ATP10A: variants seen among roughly 807,000 people sequenced by gnomAD.
ATP10A encodes the protein phospholipid-transporting ATPase VA.
ATP10A carries 111 observed loss-of-function variants against 147.8 expected under a neutral mutation model. The ratio of observed to expected loss-of-function variants is 0.75; its 90% confidence interval spans 0.64 to 0.88. The LOEUF is 0.88. Ranked by LOEUF, ATP10A falls within the 40% of genes least tolerant of loss-of-function variation. The pLI, the probability that ATP10A is intolerant of heterozygous loss-of-function variation, is 0.00. For synonymous variants in ATP10A, 875 were observed against 841.6 expected, an observed-to-expected ratio of 1.04 and a Z score of -0.69; for missense variants, 1,927 against 1,959.0, an observed-to-expected ratio of 0.98 and a Z score of 0.31.
At chr15:25,777,176 C>T (rs1373600693) in intron 2 of ATP10A, among the ~76,000 whole-genome samples, 1 of 151,692 alleles carries the variant, frequency 6.6e-6, no homozygotes, top group Non-Finnish European at 1.5e-5. Context: ...CTGCTCCACA[C>T]TTTCCCCATC....
At chr15:25,837,675 C>G (rs1209792779) in intron 1 of ATP10A, among the ~76,000 whole-genome samples, 1 of 152,198 alleles carries the variant, frequency 6.6e-6, no homozygotes, top group Non-Finnish European at 1.5e-5. Flanking sequence ...ACGAGCGCCA[C>G]TGGGTAATGG....
At chr15:25,742,641 C>A (rs976345481) in intron 2 of ATP10A, among the ~76,000 whole-genome samples, 1 of 152,190 alleles carries the variant, frequency 6.6e-6, no homozygotes, top group African/African-American at 2.4e-5. Flanking sequence ...ACGCTCCATG[C>A]TGTTTCAGTG....
intron 2 of ATP10A, 43 bp downstream of exon 2, chr15:25,780,976 T>C (rs775708007): frequency 6.3e-7 from 1 of 1,594,588 alleles, no homozygotes; most frequent in South Asian, 1.1e-5. Flanking sequence ...GGACACTGTG[T>C]GGCTGTAATG....
At chr15:25,859,118 C>T (rs1023453998) in intron 1 of ATP10A, among the ~76,000 whole-genome samples, 1 of 152,262 alleles carries the variant, frequency 6.6e-6, no homozygotes, top group Non-Finnish European at 1.5e-5. Context: ...TCTCTGCTTC[C>T]TGCCTGCAGA....
At chr15:25,829,524 C>G (rs1192218844) in intron 1 of ATP10A, among the ~76,000 whole-genome samples, 1 of 152,184 alleles carries the variant, frequency 6.6e-6, no homozygotes, top group African/African-American at 2.4e-5. Flanking sequence ...CTCTTGCTCC[C>G]AAGAGTTAAC....
Position 25,854,991 on chromosome 15 carries a change from G to A in ATP10A, c.449+7657C>T, listed in dbSNP as rs142551108. 9.7e-3 allele frequency among the ~76,000 whole-genome samples: 1,459 copies of A among 151,052 alleles called. 23 individuals are homozygous for A. Among genetic ancestry groups the A allele is most frequent in the African/African-American group, 0.034 (1,391 of 40,972 alleles). On this transcript the variant is annotated intron_variant, in intron 1 of 20. Transcript: ENST00000555815. ...GGAGAATCGCTTGAACCTGGGAGGCGGAGGTTGCAGTGAGCTGAGATCGCC... is the reference window on the plus strand; with the variant it reads ...GGAGAATCGCTTGAACCTGGGAGGCAGAGGTTGCAGTGAGCTGAGATCGCC...
intron 1 of ATP10A, among the ~76,000 whole-genome samples, chr15:25,844,746 T>A (rs1192301536): frequency 6.6e-6 from 1 of 152,158 alleles, no homozygotes; most frequent in Non-Finnish European, 1.5e-5. Context: ...GTGCACGAGC[T>A]GCCAAACAGC....
At chr15:25,696,068 G>A (rs541541084) in intron 13 of ATP10A, among the ~76,000 whole-genome samples, 80 of 152,256 alleles carry the variant, frequency 5.3e-4, no homozygotes, top group Non-Finnish European at 1.0e-3. Flanking sequence ...AGGGACCACC[G>A]TCTCCAGGAA....
chr15:25,748,924 G>A (rs992239835), intron 2 of ATP10A, among the ~76,000 whole-genome samples: 2 of 151,302 alleles, frequency 1.3e-5, no homozygotes, highest in East Asian at 3.9e-4. Flanking sequence ...TTATCCGGGC[G>A]TGGTGGTGTG....
chr15:25,697,347 T>C lies in ATP10A; in HGVS notation c.2761-2201A>G, dbSNP rs967628040. 3.3e-5 allele frequency among the ~76,000 whole-genome samples: 5 copies of C among 152,306 alleles called. No homozygotes were observed. In the East Asian group the frequency reaches 5.8e-4, roughly 18 times the overall value. ...CCACATTCTCCATAGAAATTAAAAA[T>C]GGCCAGTGTCATAACATAATATTCG... On this transcript the variant is annotated intron_variant, in intron 13 of 20. Transcript: ENST00000555815.
chr15:25,806,037 A>G (rs558275363), intron 1 of ATP10A, among the ~76,000 whole-genome samples: 3 of 152,306 alleles, frequency 2.0e-5, no homozygotes, highest in South Asian at 2.1e-4. Context: ...CATGCATCAA[A>G]CAAGTGATTT....
At position 25,687,097 on chromosome 15, in the gene ATP10A, G is replaced by C. The variant is rs901631309; in HGVS notation, c.3291+606C>G. Among the ~76,000 whole-genome samples, 4 of 107,608 alleles carry C rather than the reference G, an allele frequency of 3.7e-5. 1 individual carries two copies. Among genetic ancestry groups the C allele is most frequent in the Non-Finnish European group, 6.7e-5 (4 of 59,676 alleles). 70.6% of individuals were successfully genotyped at this position (107,608 alleles called of 152,430 possible). A position where few individuals can be genotyped will look rare whatever the true frequency, so the allele number is the denominator to read the frequency against. On this transcript the variant is annotated intron_variant, in intron 16 of 20. Transcript: ENST00000555815. Reference sequence around the variant, plus strand: ...TGGGTCTGAGCCTCCCTGACCTAGGGGCTTGCCGCCTGTCACCTGTCCTGG... The same window carrying C: ...TGGGTCTGAGCCTCCCTGACCTAGGCGCTTGCCGCCTGTCACCTGTCCTGG...
intron 1 of ATP10A, among the ~76,000 whole-genome samples, chr15:25,860,983 T>C (rs1410412662): frequency 6.6e-6 from 1 of 152,168 alleles, no homozygotes; most frequent in Middle Eastern, 3.2e-3. Context: ...CCACCAGGGC[T>C]ATGTGGTGGA....
chr15:25,747,777 T>C (rs932213128), intron 2 of ATP10A, among the ~76,000 whole-genome samples: 1 of 152,210 alleles, frequency 6.6e-6, no homozygotes, highest in Non-Finnish European at 1.5e-5. Flanking sequence ...CAGATTCAGA[T>C]GGCTTCACCA....
chr15:25,712,400 G>A (rs1022069035), intron 10 of ATP10A, among the ~76,000 whole-genome samples: 1 of 152,156 alleles, frequency 6.6e-6, no homozygotes, highest in Non-Finnish European at 1.5e-5. Context: ...GACAGGCCTC[G>A]CCTGCCAGCG....
intron 1 of ATP10A, among the ~76,000 whole-genome samples, chr15:25,835,892 C>A (rs1004627846): frequency 3.9e-5 from 6 of 152,196 alleles, no homozygotes; most frequent in African/African-American, 9.6e-5. Context: ...CGGCTCACTG[C>A]CAGCTCTGCC....
At chr15:25,779,211 C>A (rs1889774274) in intron 2 of ATP10A, among the ~76,000 whole-genome samples, 1 of 152,216 alleles carries the variant, frequency 6.6e-6, no homozygotes, top group Non-Finnish European at 1.5e-5. Flanking sequence ...TCAAGGAGAT[C>A]TATCTGCGGC....
rs372007635 is a variant in ATP10A, at chr15:25,793,909, C to T, written c.450-12686G>A. Among the ~76,000 whole-genome samples the T allele has an allele frequency of 8.5e-5, 13 of 152,308 alleles. No homozygotes were observed. The East Asian group carries it at 1.5e-3, about 18-fold the overall frequency. On this transcript the variant is annotated intron_variant, in intron 1 of 20. Transcript: ENST00000555815. The stretch of plus-strand genomic sequence containing the variant: ...CTGTGGGACTCACCCCAGGGTTCTC[C>T]GATGCCCCACCAGTGCTGTCTAGGG...
intron 1 of ATP10A, among the ~76,000 whole-genome samples, chr15:25,800,454 T>C (rs556849129): frequency 6.7e-4 from 102 of 152,216 alleles, no homozygotes; most frequent in African/African-American, 2.3e-3. Flanking sequence ...GTGCCTCTCC[T>C]CTCCTGCCTG....
Sources: gnomAD v4.1 joint callset for allele counts (sites outside exome capture counted in the v4.1 genomes callset) on GRCh38, gnomAD v4.1.1 for gene constraint, MANE v1.5 for transcripts, NCBI Gene and HGNC (gene_info 2026-07-23, HGNC 2026-07-21) for gene names.